Variants in NLGN2 observed in about 807,000 individuals in gnomAD.
The protein encoded by NLGN2 is neuroligin 2.
A neutral mutation model predicts 48.6 loss-of-function variants in NLGN2; 11 were observed. That is an observed-to-expected ratio of 0.23 (90% confidence interval 0.14 to 0.37). NLGN2 has a LOEUF of 0.37. Ranked by LOEUF, NLGN2 falls within the 10% of genes least tolerant of loss-of-function variation. The pLI is 1.00. For synonymous variants in NLGN2, 548 were observed against 550.0 expected, an observed-to-expected ratio of 1.00 and a Z score of 0.05; for missense variants, 801 against 1,225.2, an observed-to-expected ratio of 0.65 and a Z score of 5.17.
In NLGN2 at chr17:7,416,396, A is replaced by C. The variant is rs1907105036; in HGVS notation, c.1634+289A>C. Among the ~76,000 whole-genome samples, 5 of 151,922 alleles carry C rather than the reference A, an allele frequency of 3.3e-5. No homozygotes were observed. In the South Asian group the frequency reaches 1.0e-3, roughly 32 times the overall value. On this transcript the variant is annotated intron_variant, in intron 6 of 6. Transcript: ENST00000302926. ...CTGCCCGACCCCCCTAGGGCTCTGCATCTCTGGCTGACTGCTCAGGTGTGT... is the reference window on the plus strand; with the variant it reads ...CTGCCCGACCCCCCTAGGGCTCTGCCTCTCTGGCTGACTGCTCAGGTGTGT...
At chr17:7,407,082 A>G (rs544067774), upstream of NLGN2, among the ~76,000 whole-genome samples, 3 of 151,702 alleles carry the variant, frequency 2.0e-5, no homozygotes, top group Admixed American at 1.3e-4. Flanking sequence ...TTCTTCCTCT[A>G]TGTTAAGGTT....
At position 7,417,769 on chromosome 17, in the gene NLGN2, A is replaced by T; in HGVS notation, c.2478A>T (p.Leu826=). ...PPTATSHNNT[L]PHPHSTTRV ...CCGCCACCAGCCACAACAACACGCT[A>T]CCCCACCCCCACTCCACCACTCGGG... Residue 826 remains leucine (L), a synonymous_variant, in exon 7 of 7, where the codon CTA becomes CTT. Transcript: ENST00000302926. 2 of 1,328,404 alleles carry T rather than the reference A, an allele frequency of 1.5e-6. No homozygotes were observed. The highest frequency in any genetic ancestry group is 1.9e-6 in the Non-Finnish European group (2 of 1,033,458). The allele number at this position is 1,328,404 out of a possible 1,614,324, so 82.3% of individuals were successfully genotyped here.
At position 7,415,493 on chromosome 17, in the gene NLGN2, C is replaced by G; in HGVS notation, c.1038-18C>G. 1 of 1,609,360 alleles carries G rather than the reference C, an allele frequency of 6.2e-7. No individual in the cohort carries two copies. Among genetic ancestry groups the G allele is most frequent in the Non-Finnish European group, 8.5e-7 (1 of 1,175,672 alleles). On this transcript the variant is annotated intron_variant, in intron 5 of 6. Transcript: ENST00000302926. ...AGGCCAGTGAGCAGGTGGTGAGACC[C>G]TGACCCCTTCTCCCCAGCTACCACA...
chr17:7,416,809 C>T, intron 6 of NLGN2, 117 bp from the exon 7 acceptor site: 3 of 1,288,122 alleles, frequency 2.3e-6, no homozygotes, highest in Non-Finnish European at 3.3e-6. Flanking sequence ...TTTTCTCTGG[C>T]TTTCTTGCTG....
At chr17:7,412,133 T>C in intron 1 of NLGN2, 24 bp from the exon 2 acceptor site, 1 of 1,562,738 alleles carries the variant, frequency 6.4e-7, no homozygotes, top group Non-Finnish European at 8.7e-7. Context: ...TCCTTTTTTC[T>C]CTGTTTTGTG....
rs1480213293 is a variant in NLGN2, at chr17:7,411,561, G to A, written c.458-596G>A. ...GGAAGGCTTCTGGGGCTGAGCTGTG[G>A]GGCAGGCTGCCCCCCAACCCTGTCC... On this transcript the variant is annotated intron_variant, in intron 1 of 6. Coordinates refer to ENST00000302926, the MANE Select transcript of NLGN2 (RefSeq NM_020795.4). This position sits in a 1 kb window ranked among gnomAD's most constrained non-coding sequence, Gnocchi z 4.5. 1.3e-5 allele frequency among the ~76,000 whole-genome samples: 2 copies of A among 152,198 alleles called. No homozygotes were observed. Among genetic ancestry groups the A allele is most frequent in the Admixed American group, 6.5e-5 (1 of 15,288 alleles).
intron 2 of NLGN2, among the ~76,000 whole-genome samples, chr17:7,412,433 G>A (rs928493257): frequency 1.3e-5 from 2 of 152,134 alleles, no homozygotes; most frequent in Admixed American, 1.3e-4. Flanking sequence ...TGCCAGAAAA[G>A]CTAAACATGG....
At position 7,407,935 on chromosome 17, in the gene NLGN2, C is replaced by A. The variant is rs1482468097; in HGVS notation, c.-321C>A. Reference sequence around the variant, plus strand: ...TGCCCCATCCAATTTCCCTTGCCCTCTTCCACCTCTGTATTTTTCTGTCTG... The same window carrying A: ...TGCCCCATCCAATTTCCCTTGCCCTATTCCACCTCTGTATTTTTCTGTCTG... On this transcript the variant is annotated 5_prime_UTR_variant, in exon 1 of 7. Transcript: ENST00000302926. The A allele has an allele frequency of 4.5e-6, 1 of 219,806 alleles. No individual in the cohort carries two copies. The highest frequency in any genetic ancestry group is 9.0e-6 in the Non-Finnish European group (1 of 111,606). 13.6% of individuals were successfully genotyped at this position (219,806 alleles called of 1,614,324 possible).
chr17:7,417,235 C>G lies in NLGN2; in HGVS notation c.1944C>G (p.Thr648=), dbSNP rs1330867239. 3.2e-6 allele frequency: 5 copies of G among 1,541,850 alleles called. No individual in the cohort carries two copies. Among genetic ancestry groups the G allele is most frequent in the Non-Finnish European group, 4.4e-6 (5 of 1,147,868 alleles). The stretch of plus-strand genomic sequence containing the variant: ...CACGCCGGCCCCCGCCGCCTGCCAC[C>G]CTGCCTCCCGAGCCCGAGCCCGAGC... The part of the protein sequence containing the change: ...PGTRRPPPPA[T]LPPEPEPEPG... The change falls in exon 7 of 7, where the codon ACC becomes ACG. Residue 648 remains threonine, a synonymous_variant. Transcript: ENST00000302926.
chr17:7,412,047 C>CT, intron 1 of NLGN2, 110 bp from the exon 2 acceptor site: 1 of 415,266 alleles, frequency 2.4e-6, no homozygotes, highest in South Asian at 2.5e-5. Context: ...CTCCCCCACC[C>CT]TCCCCTTTTC....
At chr17:7,416,160 T>A in intron 6 of NLGN2, 53 bp downstream of exon 6, 1 of 1,415,110 alleles carries the variant, frequency 7.1e-7, no homozygotes, top group Non-Finnish European at 1.0e-6. Context: ...CTCCTTCACA[T>A]GGCCGCCGTT....
At position 7,415,832 on chromosome 17, in the gene NLGN2, G is replaced by A. The variant is rs140045012; in HGVS notation, c.1359G>A (p.Ala453=). 10 of 1,613,406 alleles carry A rather than the reference G, an allele frequency of 6.2e-6. No homozygotes were observed. In the East Asian group the frequency reaches 1.1e-4, roughly 18 times the overall value. ...AAATGCGCCGCAAAACCCTGCTGGC[G>A]CTCTTTACTGACCACCAATGGGTGG... The part of the protein sequence containing the change: ...NGEMRRKTLL[A]LFTDHQWVAP... Residue 453 remains alanine, a synonymous_variant, in exon 6 of 7, where the codon GCG becomes GCA. Coordinates refer to ENST00000302926, the MANE Select transcript of NLGN2 (RefSeq NM_020795.4).
Position 7,417,843 on chromosome 17 carries a change from G to A in NLGN2, c.*44G>A. The A allele has an allele frequency of 7.4e-7, 1 of 1,351,420 alleles. No homozygotes were observed. The highest frequency in any genetic ancestry group is 2.9e-5 in the East Asian group (1 of 34,636). 83.7% of individuals were successfully genotyped at this position (1,351,420 alleles called of 1,614,324 possible). ...CTCCTCCCCGGCCCTCCCTGGCCCGGCCACTCCGAAGGCAGGGAGGAGGAC... is the reference window on the plus strand; with the variant it reads ...CTCCTCCCCGGCCCTCCCTGGCCCGACCACTCCGAAGGCAGGGAGGAGGAC... On this transcript the variant is annotated 3_prime_UTR_variant, in exon 7 of 7. Transcript: ENST00000302926.
upstream of NLGN2, among the ~76,000 whole-genome samples, chr17:7,406,287 G>A (rs1054561382): frequency 1.3e-5 from 2 of 151,946 alleles, no homozygotes; most frequent in African/African-American, 4.8e-5. Context: ...CCAGTGGGAG[G>A]GAAGGAGGGA....
At position 7,408,090 on chromosome 17, in the gene NLGN2, T is replaced by A; in HGVS notation, c.-166T>A. ...CCCTCCATGGAGAGGAACAGACCCC[T>A]TCTCTGTCCAGTCTAACCCAGGTCC... On this transcript the variant is annotated 5_prime_UTR_variant, in exon 1 of 7. Coordinates refer to ENST00000302926, the MANE Select transcript of NLGN2 (RefSeq NM_020795.4). This position sits in a 1 kb window ranked among gnomAD's most constrained non-coding sequence, Gnocchi z 7.5. 47 of 273,222 alleles carry A rather than the reference T, an allele frequency of 1.7e-4. No homozygotes were observed. The highest frequency in any genetic ancestry group is 2.3e-4 in the Non-Finnish European group (34 of 148,802). The allele number at this position is 273,222 out of a possible 1,614,324, so 16.9% of individuals were successfully genotyped here.
At chr17:7,416,797 C>T (rs992919414) in intron 6 of NLGN2, 129 bp from the exon 7 acceptor site, 21 of 1,197,754 alleles carry the variant, frequency 1.8e-5, no homozygotes, top group Middle Eastern at 2.6e-4. Context: ...GCCTCTGTGA[C>T]TTTTTCTCTG....
At position 7,417,468 on chromosome 17, in the gene NLGN2, G is replaced by GC. The variant is rs34763999; in HGVS notation, c.2182dup (p.Leu728ProfsTer8). ...TCAGGCTCTGGCGTGCCTGGTGGGG[G>GC]CCCCCTGCTCCCCGCCGCGGGCCGT... is the stretch of plus-strand genomic sequence containing the variant. On this transcript the variant is annotated frameshift_variant, in exon 7 of 7. Transcript: ENST00000302926. LOFTEE classifies it low-confidence loss of function (END_TRUNC). 2 of 1,536,924 alleles carry GC rather than the reference G, an allele frequency of 1.3e-6. No individual in the cohort carries two copies. The highest frequency in any genetic ancestry group is 8.7e-7 in the Non-Finnish European group (1 of 1,146,750).
rs1039335982 is a variant in NLGN2 at position 7,408,231 on chromosome 17, A to T, written c.-25A>T. The T allele has an allele frequency of 5.2e-5, 52 of 1,005,050 alleles. No individual in the cohort carries two copies. The highest frequency in any genetic ancestry group is 6.1e-5 in the Non-Finnish European group (49 of 797,410). The allele number at this position is 1,005,050 out of a possible 1,614,324, so 62.3% of individuals were successfully genotyped here. A position where few individuals can be genotyped will look rare whatever the true frequency, so the allele number is the denominator to read the frequency against. On this transcript the variant is annotated 5_prime_UTR_variant, in exon 1 of 7. Transcript: ENST00000302926. This position sits in a 1 kb window ranked among gnomAD's most constrained non-coding sequence, Gnocchi z 7.5. ...TCTCCGAGGGGGGGGGGTCCCAGGG[A>T]GGGAGGGGGGGTCCCCCGATCAGCA...
At chr17:7,412,316 C>G (rs1408369835) in intron 2 of NLGN2, 109 bp downstream of exon 2, 1 of 767,482 alleles carries the variant, frequency 1.3e-6, no homozygotes, top group East Asian at 2.5e-5. Context: ...AGTCGTTCTC[C>G]CAACTAAAAT....
Sources: gnomAD v4.1 joint callset for allele counts (sites outside exome capture counted in the v4.1 genomes callset) on GRCh38, gnomAD v4.1.1 for gene constraint, Gnocchi (gnomAD v3.1) non-coding constraint, MANE v1.5 for transcripts, NCBI Gene and HGNC (gene_info 2026-07-23, HGNC 2026-07-21) for gene names.